AIM2: variants seen among roughly 807,000 people sequenced by gnomAD.
AIM2 encodes interferon-inducible protein AIM2.
AIM2 carries 30 observed loss-of-function variants against 27.7 expected under a neutral mutation model. That is an observed-to-expected ratio of 1.08 (90% confidence interval 0.81 to 1.47). AIM2 has a LOEUF of 1.47. AIM2 is among the 40% of genes most tolerant of loss of function. AIM2 has a pLI of 0.00. For missense variants in AIM2, 358 were observed against 411.3 expected (o/e 0.87, Z 1.12); for synonymous variants, 141 against 145.3 (o/e 0.97, Z 0.21).
At chr1:159,129,891 T>A (rs1006335964) in intron 1 of AIM2, among the ~76,000 whole-genome samples, 1 of 152,160 alleles carries the variant, frequency 6.6e-6, no homozygotes, top group African/African-American at 2.4e-5. Context: ...CCAGCTCCCA[T>A]CCCATCCACT....
upstream of AIM2, among the ~76,000 whole-genome samples, chr1:159,077,519 C>G (rs1168529393): frequency 1.3e-5 from 2 of 152,204 alleles, no homozygotes; most frequent in Non-Finnish European, 2.9e-5. Context: ...CCAGTTTCTT[C>G]TGTGTTACAT....
At chr1:159,069,433 C>T (rs529532880) in intron 2 of AIM2, among the ~76,000 whole-genome samples, 1 of 151,908 alleles carries the variant, frequency 6.6e-6, no homozygotes, top group East Asian at 1.9e-4. Flanking sequence ...AATTCTCTCT[C>T]TCTATATATA....
chr1:159,088,671 C>T (rs1469222029), intron 1 of AIM2, among the ~76,000 whole-genome samples: 1 of 152,152 alleles, frequency 6.6e-6, no homozygotes, highest in Admixed American at 6.5e-5. Context: ...GTTCTGCTCT[C>T]ATGAATGGAT....
intron 1 of AIM2, among the ~76,000 whole-genome samples, chr1:159,083,641 A>T (rs1259633632): frequency 3.3e-5 from 5 of 152,224 alleles, no homozygotes; most frequent in Non-Finnish European, 5.9e-5. Context: ...TACTCACCCA[A>T]GTATCTTCCT....
intron 1 of AIM2, among the ~76,000 whole-genome samples, chr1:159,121,350 G>C (rs1309733923): frequency 6.6e-6 from 1 of 152,158 alleles, no homozygotes; most frequent in Non-Finnish European, 1.5e-5. Flanking sequence ...AACACACTGT[G>C]ACAATTGTTT....
At chr1:159,126,927 T>C (rs997686043) in intron 1 of AIM2, among the ~76,000 whole-genome samples, 1 of 152,188 alleles carries the variant, frequency 6.6e-6, no homozygotes, top group Non-Finnish European at 1.5e-5. Flanking sequence ...ACATAAACTG[T>C]TGTATATTCA....
At chr1:159,140,789 CA>C (rs1336386082), upstream of AIM2, among the ~76,000 whole-genome samples, 6 of 152,100 alleles carry the variant, frequency 3.9e-5, no homozygotes, top group Non-Finnish European at 7.4e-5. Context: ...AAGGAGACAG[CA>C]AAAATGAACG....
At chr1:159,083,036 A>G (rs1656818800) in intron 1 of AIM2, among the ~76,000 whole-genome samples, 1 of 152,228 alleles carries the variant, frequency 6.6e-6, no homozygotes, top group Non-Finnish European at 1.5e-5. Context: ...CTTTTAAAAG[A>G]ATTAGCAATA....
At chr1:159,146,913 G>A (rs1005552943) in intron 1 of AIM2, 2 of 152,106 alleles carry the variant, frequency 1.3e-5, no homozygotes, top group Non-Finnish European at 2.9e-5. Context: ...CATCCTTTTA[G>A]TCTTTATCTC....
At chr1:159,140,260 G>T (rs1648085779) in intron 1 of AIM2, among the ~76,000 whole-genome samples, 1 of 152,208 alleles carries the variant, frequency 6.6e-6, no homozygotes, top group South Asian at 2.1e-4. Context: ...AGGTAACCCA[G>T]AAATGTAAAG....
chr1:159,104,305 G>A (rs578052159), intron 1 of AIM2, among the ~76,000 whole-genome samples: 1 of 152,176 alleles, frequency 6.6e-6, no homozygotes, highest in South Asian at 2.1e-4. Flanking sequence ...AACCCACACT[G>A]CCCACAGCAG....
chr1:159,115,918 T>G (rs1037094400), intron 1 of AIM2, among the ~76,000 whole-genome samples: 1 of 152,012 alleles, frequency 6.6e-6, no homozygotes, highest in African/African-American at 2.4e-5. Context: ...GGAGAAAATT[T>G]TTGCAATCTA....
downstream of AIM2, among the ~76,000 whole-genome samples, chr1:159,058,414 T>A (rs72709557): frequency 6.6e-6 from 1 of 150,452 alleles, no homozygotes; most frequent in Non-Finnish European, 1.5e-5. Context: ...GGGAGAGACT[T>A]CATGGGCCCA....
chr1:159,116,276 G>C (rs927016080), intron 1 of AIM2, among the ~76,000 whole-genome samples: 1 of 152,110 alleles, frequency 6.6e-6, no homozygotes, highest in African/African-American at 2.4e-5. Flanking sequence ...TCAGTGTGGC[G>C]ATTCCTCAGG....
intron 1 of AIM2, among the ~76,000 whole-genome samples, chr1:159,139,043 T>C (rs1232221727): frequency 6.6e-6 from 1 of 152,258 alleles, no homozygotes; most frequent in Non-Finnish European, 1.5e-5. Flanking sequence ...TTTTTACTCA[T>C]GTGGAAAATC....
At chr1:159,101,192 G>A (rs1318268462) in intron 1 of AIM2, among the ~76,000 whole-genome samples, 2 of 152,140 alleles carry the variant, frequency 1.3e-5, no homozygotes, top group East Asian at 1.9e-4. Context: ...GGGGGCAGGG[G>A]GCGGGGGTGG....
At chr1:159,124,840 G>A (rs1229133282) in intron 1 of AIM2, among the ~76,000 whole-genome samples, 1 of 152,214 alleles carries the variant, frequency 6.6e-6, no homozygotes, top group Admixed American at 6.5e-5. Flanking sequence ...CAGCAAGAAG[G>A]TTGTGCAGGA....
At position 159,128,640 on chromosome 1, in the gene AIM2, C is replaced by T. The variant is rs535862379; in HGVS notation, c.-16+11791G>A. Among the ~76,000 whole-genome samples, 3 of 152,184 alleles carry T rather than the reference C, an allele frequency of 2.0e-5. No individual in the cohort carries two copies. In the South Asian group the frequency reaches 6.2e-4, roughly 32 times the overall value. ...CCTTTGTCCTTCCTTCCCTCCCACA[C>T]CCCCTCTTTCCAGGATCTAGATACT... On this transcript the variant is annotated intron_variant, in intron 1 of 2. Transcript: ENST00000368129.
chr1:159,068,679 T>C lies in AIM2; in HGVS notation c.285A>G (p.Val95=). 6.2e-7 allele frequency: 1 copy of C among 1,613,918 alleles called. No homozygotes were observed. The highest frequency in any genetic ancestry group is 8.5e-7 in the Non-Finnish European group (1 of 1,179,862). The change falls in exon 3 of 6, where the codon GTA becomes GTG. Residue 95 remains valine (V), a synonymous_variant. Transcript: ENST00000368130. ...KEKVDKQYKS[V]TKPKPLSQAE... ...CTTGACTTAGTGGCTTTGGTTTTGT[T>C]ACCGATTTGTATTGCTTATCAACTG...
Sources: gnomAD v4.1 joint callset for allele counts (sites outside exome capture counted in the v4.1 genomes callset) on GRCh38, gnomAD v4.1.1 for gene constraint, MANE v1.5 for transcripts, NCBI Gene and HGNC (gene_info 2026-07-23, HGNC 2026-07-21) for gene names.